Variants in KRABD3 observed in about 807,000 individuals in gnomAD.
KRABD3 encodes KRAB domain containing 3.
At chr7:149,727,933 C>T in the KRABD3 span, among the ~76,000 whole-genome samples, 2 of 152,202 alleles carry the variant, frequency 1.3e-5, no homozygotes, top group East Asian at 1.9e-4. Context: ...GGCCCAGAGT[C>T]GTCAGCAAAT....
the KRABD3 span, chr7:149,722,333 G>A: frequency 1.9e-6 from 3 of 1,544,610 alleles, no homozygotes; most frequent in Non-Finnish European, 1.7e-6. Flanking sequence ...GGCTGGAGAG[G>A]GCTGTCCTCT....
the KRABD3 span, chr7:149,720,154 T>C: frequency 6.5e-7 from 1 of 1,550,332 alleles, no homozygotes; most frequent in Non-Finnish European, 8.7e-7. Context: ...ACTTTGGGTG[T>C]CTCCTCCCAC....
the KRABD3 span, among the ~76,000 whole-genome samples, chr7:149,732,103 C>T: frequency 1.2e-4 from 19 of 152,296 alleles, no homozygotes; most frequent in African/African-American, 1.2e-4. The surrounding 1 kb of genome is among the most constrained non-coding windows in gnomAD (Gnocchi z 4.0). Flanking sequence ...ATGTCACACA[C>T]GTGCCCCTAC....
At chr7:149,722,189 GA>G in the KRABD3 span, 1 of 578,084 alleles carries the variant, frequency 1.7e-6, no homozygotes, top group South Asian at 2.0e-5. Flanking sequence ...ATCACTTCCT[GA>G]GCCAAATTCC....
chr7:149,730,491 C>T, the KRABD3 span: 4 of 1,610,492 alleles, frequency 2.5e-6, no homozygotes, highest in East Asian at 4.5e-5. Flanking sequence ...GGTGGGACCC[C>T]TGCTGGCAGC....
At chr7:149,715,230 T>G in the KRABD3 span, 1 of 1,215,770 alleles carries the variant, frequency 8.2e-7, no homozygotes. Flanking sequence ...TCGGACAACC[T>G]CTCTCCAGCT....
the KRABD3 span, chr7:149,731,595 T>A: frequency 9.7e-7 from 1 of 1,030,240 alleles, no homozygotes; most frequent in Non-Finnish European, 1.5e-6. Flanking sequence ...GAGTTTGATA[T>A]TGTTTTAGGG....
chr7:149,716,510 C>A, the KRABD3 span, among the ~76,000 whole-genome samples: 1 of 152,258 alleles, frequency 6.6e-6, no homozygotes, highest in Non-Finnish European at 1.5e-5. Context: ...CTCACTCCCT[C>A]ACACACAAAA....
the KRABD3 span, chr7:149,733,799 C>T: frequency 1.9e-6 from 3 of 1,604,136 alleles, no homozygotes; most frequent in East Asian, 2.3e-5. Flanking sequence ...GCCTGCACAC[C>T]CCCTCCTCGC....
the KRABD3 span, chr7:149,719,658 C>A: frequency 6.8e-5 from 109 of 1,606,454 alleles, no homozygotes; most frequent in Non-Finnish European, 8.7e-5. This position sits in a 1 kb window ranked among gnomAD's most constrained non-coding sequence, Gnocchi z 5.6. Flanking sequence ...AACTACGAGA[C>A]GCTGGTCTCT....
the KRABD3 span, among the ~76,000 whole-genome samples, chr7:149,717,399 G>A: frequency 6.6e-6 from 1 of 152,212 alleles, no homozygotes; most frequent in South Asian, 2.1e-4. Context: ...TAAGGACAGC[G>A]GTCTAGGGCT....
chr7:149,718,774 C>T, the KRABD3 span, among the ~76,000 whole-genome samples: 13 of 152,224 alleles, frequency 8.5e-5, no homozygotes, highest in East Asian at 1.9e-3. Context: ...CTTGGCCCCC[C>T]GAAGTGCTGG....
chr7:149,729,956 T>C, the KRABD3 span: 1 of 1,283,998 alleles, frequency 7.8e-7, no homozygotes, highest in African/African-American at 1.5e-5. Context: ...GCTGCTGGGG[T>C]CCTGGCCAGG....
chr7:149,719,598 G>A, the KRABD3 span: 12 of 1,605,812 alleles, frequency 7.5e-6, no homozygotes, highest in East Asian at 4.5e-5. The surrounding 1 kb of genome is among the most constrained non-coding windows in gnomAD (Gnocchi z 5.6). Context: ...GAGGAGTGGC[G>A]GCTCCTGGAG....
chr7:149,729,442 C>T, the KRABD3 span: 10 of 1,295,424 alleles, frequency 7.7e-6, no homozygotes, highest in African/African-American at 1.4e-4. Context: ...AATAGACTTC[C>T]CTCTCTGTCC....
At chr7:149,728,453 CAGG>C in the KRABD3 span, 7 of 1,545,336 alleles carry the variant, frequency 4.5e-6, no homozygotes, top group Non-Finnish European at 6.2e-6. Context: ...CAGCAGAAGA[CAGG>C]GGGCTTCTGC....
the KRABD3 span, chr7:149,724,687 G>A: frequency 1.3e-6 from 2 of 1,548,282 alleles, no homozygotes; most frequent in Non-Finnish European, 1.7e-6. Flanking sequence ...TCCCCATCCT[G>A]ATCTTGGAGC....
chr7:149,715,252 G>A, the KRABD3 span: 28 of 1,218,222 alleles, frequency 2.3e-5, no homozygotes, highest in Admixed American at 4.3e-5. Flanking sequence ...TCCGCCGCCG[G>A]TACCCACGGC....
At chr7:149,726,587 G>A in the KRABD3 span, among the ~76,000 whole-genome samples, 4 of 152,078 alleles carry the variant, frequency 2.6e-5, no homozygotes, top group East Asian at 1.9e-4. Context: ...ATAGGTGTCC[G>A]CCACCGTGCC....
Sources: gnomAD v4.1 joint callset for allele counts (sites outside exome capture counted in the v4.1 genomes callset) on GRCh38, gnomAD v4.1.1 for gene constraint, Gnocchi (gnomAD v3.1) non-coding constraint, MANE v1.5 for transcripts, NCBI Gene and HGNC (gene_info 2026-07-23, HGNC 2026-07-21) for gene names.